The following SIL1 variants were observed in gnomAD, a reference collection of about 807,000 sequenced individuals.
SIL1 encodes the protein SIL1 nucleotide exchange factor, also known as nucleotide exchange factor SIL1.
In SIL1, 40 loss-of-function variants were observed where a neutral mutation model predicts 49.1. The observed-to-expected ratio is 0.81, with a 90% CI of 0.63 to 1.06. The LOEUF (loss-of-function observed/expected upper bound fraction) is 1.06, where lower values mean the gene tolerates loss of function less well. Ranked by LOEUF, SIL1 falls within the 50% of genes least tolerant of loss-of-function variation. The pLI, the probability that SIL1 is intolerant of heterozygous loss-of-function variation, is 0.00. For missense variants in SIL1, 500 were observed against 572.6 expected, an observed-to-expected ratio of 0.87 and a Z score of 1.29; for synonymous variants, 253 against 250.8, an observed-to-expected ratio of 1.01 and a Z score of -0.08.
At chr5:138,987,123 T>G (rs1767665016) in intron 7 of SIL1, among the ~76,000 whole-genome samples, 1 of 151,042 alleles carries the variant, frequency 6.6e-6, no homozygotes, top group Non-Finnish European at 1.5e-5. Context: ...TTATTTTATT[T>G]TATTTTATTT....
At chr5:139,196,426 A>C (rs570929815) in intron 1 of SIL1, 4 of 152,296 alleles carry the variant, frequency 2.6e-5, no homozygotes, top group African/African-American at 9.6e-5. Context: ...GTTATTTTAA[A>C]ATCCATTTTG....
chr5:138,967,574 T>C (rs994148534), intron 7 of SIL1, among the ~76,000 whole-genome samples: 1 of 152,174 alleles, frequency 6.6e-6, no homozygotes, highest in African/African-American at 2.4e-5. Flanking sequence ...GTGAGAAATC[T>C]GACAAAAAGA....
intron 3 of SIL1, among the ~76,000 whole-genome samples, chr5:139,065,788 A>G (rs1183982884): frequency 6.6e-6 from 1 of 152,106 alleles, no homozygotes; most frequent in Non-Finnish European, 1.5e-5. Flanking sequence ...TACCCACTAT[A>G]CACTCCTGAG....
intron 3 of SIL1, among the ~76,000 whole-genome samples, chr5:139,098,969 A>G (rs907510127): frequency 1.3e-5 from 2 of 151,550 alleles, no homozygotes; most frequent in Non-Finnish European, 2.9e-5. Flanking sequence ...GGCACCCACC[A>G]CCAGGCCTGG....
At chr5:139,053,932 C>A (rs886773597) in intron 3 of SIL1, among the ~76,000 whole-genome samples, 2 of 152,146 alleles carry the variant, frequency 1.3e-5, no homozygotes, top group African/African-American at 4.8e-5. Flanking sequence ...AAATGCTCAC[C>A]ATTTTATCCT....
At chr5:138,983,576 A>G (rs1212966532) in intron 7 of SIL1, among the ~76,000 whole-genome samples, 2 of 151,258 alleles carry the variant, frequency 1.3e-5, no homozygotes, top group Non-Finnish European at 2.9e-5. Flanking sequence ...GTGCCACACA[A>G]AGGGAGGCAG....
chr5:139,022,863 C>A (rs1365640769), intron 6 of SIL1, among the ~76,000 whole-genome samples: 1 of 152,248 alleles, frequency 6.6e-6, no homozygotes, highest in Non-Finnish European at 1.5e-5. Flanking sequence ...CCTACATGCT[C>A]TAATTTTACA....
intron 1 of SIL1, among the ~76,000 whole-genome samples, chr5:139,191,077 C>T (rs1348199628): frequency 6.6e-6 from 1 of 151,940 alleles, no homozygotes; most frequent in East Asian, 1.9e-4. Context: ...ACTGCAAATA[C>T]AAAAATTAGC....
At chr5:139,006,773 T>C (rs1581024203) in intron 7 of SIL1, among the ~76,000 whole-genome samples, 2 of 149,674 alleles carry the variant, frequency 1.3e-5, no homozygotes, top group East Asian at 2.0e-4. Context: ...CAGTTGTAGG[T>C]ATGCGGCGTT....
At chr5:139,056,818 A>G (rs1353242253) in intron 3 of SIL1, among the ~76,000 whole-genome samples, 10 of 151,836 alleles carry the variant, frequency 6.6e-5, no homozygotes, top group Admixed American at 6.6e-4. Context: ...TGGGAGGTGT[A>G]CCCAACAGCT....
At chr5:139,168,954 T>C (rs1420469244) in intron 1 of SIL1, among the ~76,000 whole-genome samples, 3 of 140,866 alleles carry the variant, frequency 2.1e-5, no homozygotes, top group East Asian at 4.0e-4. Flanking sequence ...GAAGACCCTG[T>C]CTCAAAAAAA....
intron 1 of SIL1, among the ~76,000 whole-genome samples, chr5:139,137,651 G>A (rs1277298409): frequency 6.6e-6 from 1 of 151,458 alleles, no homozygotes; most frequent in African/African-American, 2.4e-5. Context: ...TTTAGCATTA[G>A]GTATATCTCC....
At chr5:139,105,294 G>C (rs570815845) in intron 3 of SIL1, among the ~76,000 whole-genome samples, 3 of 152,172 alleles carry the variant, frequency 2.0e-5, no homozygotes, top group Non-Finnish European at 4.4e-5. Flanking sequence ...AATTACAAGG[G>C]GTCCATTCCA....
At chr5:139,164,529 G>T (rs1045131353) in intron 1 of SIL1, among the ~76,000 whole-genome samples, 1 of 152,100 alleles carries the variant, frequency 6.6e-6, no homozygotes, top group African/African-American at 2.4e-5. Context: ...CTAGGGTCGG[G>T]CCCATGGGTT....
intron 1 of SIL1, chr5:139,187,651 T>TG (rs1477679998): frequency 8.1e-6 from 1 of 123,302 alleles, no homozygotes; most frequent in African/African-American, 2.7e-5. Context: ...ACGTGGGTGA[T>TG]GGTACGGACA....
At chr5:139,004,196 T>C (rs576341380) in intron 7 of SIL1, among the ~76,000 whole-genome samples, 14 of 152,330 alleles carry the variant, frequency 9.2e-5, no homozygotes, top group Non-Finnish European at 1.8e-4. Context: ...AGATAGGGTC[T>C]TGTTATGTTT....
At chr5:139,149,861 A>C (rs1005190132) in intron 1 of SIL1, among the ~76,000 whole-genome samples, 10 of 152,212 alleles carry the variant, frequency 6.6e-5, no homozygotes, top group Non-Finnish European at 1.0e-4. Flanking sequence ...ATGATATACA[A>C]GACCTCCTTG....
chr5:139,101,044 G>A (rs997475907), intron 3 of SIL1, among the ~76,000 whole-genome samples: 1 of 151,976 alleles, frequency 6.6e-6, no homozygotes, highest in South Asian at 2.1e-4. Flanking sequence ...AGCCTGGGGC[G>A]TTCTGGCACT....
At chr5:138,950,894 C>T (rs1766755794) in intron 9 of SIL1, among the ~76,000 whole-genome samples, 1 of 152,228 alleles carries the variant, frequency 6.6e-6, no homozygotes, top group Non-Finnish European at 1.5e-5. Context: ...AGGCTTGCCT[C>T]ATACTGAGCC....
Sources: gnomAD v4.1 joint callset for allele counts (sites outside exome capture counted in the v4.1 genomes callset) on GRCh38, gnomAD v4.1.1 for gene constraint, MANE v1.5 for transcripts, NCBI Gene and HGNC (gene_info 2026-07-23, HGNC 2026-07-21) for gene names.